Variants in ST8SIA1 observed in about 807,000 individuals in gnomAD.
The protein encoded by ST8SIA1 is ST8 alpha-N-acetyl-neuraminide alpha-2,8-sialyltransferase 1.
ST8SIA1 carries 16 observed loss-of-function variants against 35.9 expected under a neutral mutation model. The observed-to-expected ratio is 0.45, with a 90% CI of 0.30 to 0.68. The LOEUF (loss-of-function observed/expected upper bound fraction) is 0.68. ST8SIA1 is among the 30% of genes least tolerant of loss of function. The pLI is 0.09. For synonymous variants in ST8SIA1, 170 were observed against 169.6 expected (o/e 1.00, Z -0.02); for missense variants, 383 against 453.6 (o/e 0.84, Z 1.41).
Position 22,204,947 on chromosome 12 carries a change from C to T in ST8SIA1, c.585-2909G>A, listed in dbSNP as rs369894628. On this transcript the variant is annotated intron_variant, in intron 4 of 4. Coordinates refer to ENST00000396037, the MANE Select transcript of ST8SIA1 (RefSeq NM_003034.4). Reference sequence around the variant, plus strand: ...GTGGTGCTCCAGTTTGTCTCTCCAGCCTCATACTCAGCTACTCCTCATGTC... The same window carrying T: ...GTGGTGCTCCAGTTTGTCTCTCCAGTCTCATACTCAGCTACTCCTCATGTC... Among the ~76,000 whole-genome samples the T allele has an allele frequency of 6.6e-5, 10 of 152,232 alleles. No homozygotes were observed. In the East Asian group the frequency reaches 1.4e-3, roughly 21 times the overall value.
rs148049634 is a variant in ST8SIA1 at position 22,281,697 on chromosome 12, T to G, written c.381+5452A>C. 4.5e-3 allele frequency among the ~76,000 whole-genome samples: 678 copies of G among 152,098 alleles called. 6 individuals carry two copies. Among genetic ancestry groups the G allele is most frequent in the African/African-American group, 0.016 (656 of 41,508 alleles). ...CTCCCAAAAAGCTGCAAAAGAAATT[T>G]CTTGGCCAGGTGTAGTGGTTCATGC... On this transcript the variant is annotated intron_variant, in intron 2 of 4. Coordinates refer to ENST00000396037, the MANE Select transcript of ST8SIA1 (RefSeq NM_003034.4).
chr12:22,311,154 G>A (rs1237680898), intron 1 of ST8SIA1, among the ~76,000 whole-genome samples: 2 of 152,188 alleles, frequency 1.3e-5, no homozygotes, highest in Non-Finnish European at 2.9e-5. Context: ...TGCACTGAGT[G>A]TGTGTCAAAG....
intron 4 of ST8SIA1, among the ~76,000 whole-genome samples, chr12:22,240,515 G>C (rs1865527743): frequency 6.6e-6 from 1 of 151,810 alleles, no homozygotes; most frequent in African/African-American, 2.4e-5. Context: ...ATGATAAGCT[G>C]CTCTGAGTTT....
At chr12:22,298,382 G>A (rs1866273209) in intron 1 of ST8SIA1, among the ~76,000 whole-genome samples, 1 of 152,076 alleles carries the variant, frequency 6.6e-6, no homozygotes, top group Non-Finnish European at 1.5e-5. Flanking sequence ...TCATCCTGTG[G>A]GATATGACTC....
chr12:22,228,158 A>G (rs750937313), intron 4 of ST8SIA1, among the ~76,000 whole-genome samples: 7 of 152,248 alleles, frequency 4.6e-5, no homozygotes, highest in Admixed American at 1.3e-4. Flanking sequence ...ACTGATTAAG[A>G]GCAGAAAGGG....
In ST8SIA1 at chr12:22,308,679, T is replaced by C. The variant is rs961437537; in HGVS notation, c.237-21386A>G. 2.6e-5 allele frequency among the ~76,000 whole-genome samples: 4 copies of C among 151,944 alleles called. No individual in the cohort carries two copies. The South Asian group carries it at 8.3e-4, about 32-fold the overall frequency. ...CATTACCTCTACTGAAACTGCCCTCTTAAAGGTCTTTAAAGATATCTGAAT... is the reference window on the plus strand; with the variant it reads ...CATTACCTCTACTGAAACTGCCCTCCTAAAGGTCTTTAAAGATATCTGAAT... On this transcript the variant is annotated intron_variant, in intron 1 of 4. Coordinates refer to ENST00000396037, the MANE Select transcript of ST8SIA1 (RefSeq NM_003034.4).
At chr12:22,285,884 A>AACAAAAAAAACAAAAAAAAC (rs1231922607) in intron 2 of ST8SIA1, among the ~76,000 whole-genome samples, 49 of 150,838 alleles carry the variant, frequency 3.2e-4, no homozygotes, top group Admixed American at 7.9e-4. Context: ...AAACAAAAAA[A>AACAAAAAAAACAAAAAAAAC]AAAAAAAAAA....
At position 22,334,174 on chromosome 12, in the gene ST8SIA1, G is replaced by T. The variant is rs758633118; in HGVS notation, c.59C>A (p.Ala20Glu). The T allele has an allele frequency of 1.2e-6, 2 of 1,614,026 alleles. No individual in the cohort carries two copies. The highest frequency in any genetic ancestry group is 1.7e-6 in the Non-Finnish European group (2 of 1,180,004). ...QTSRGAMAVLAWKFPRTRLPM... is the reference protein window; with the variant it reads ...QTSRGAMAVLEWKFPRTRLPM... ...CAGCCGGGTCCGCGGGAACTTCCAC[G>T]CCAGTACAGCCATGGCCCCTCTGGA... Residue 20 changes from alanine (A) to glutamate (E), a missense_variant, in exon 1 of 5, where the codon GCG becomes GAG. By Grantham distance (107) the Ala-to-Glu change is moderately radical (BLOSUM62 -1). Transcript: ENST00000396037.
intron 2 of ST8SIA1, among the ~76,000 whole-genome samples, chr12:22,273,812 T>C (rs1202189775): frequency 6.6e-6 from 1 of 152,204 alleles, no homozygotes; most frequent in Non-Finnish European, 1.5e-5. Context: ...TCAAGCACTA[T>C]GCTACAAACT....
At chr12:22,271,649 A>G (rs1184178964) in intron 2 of ST8SIA1, among the ~76,000 whole-genome samples, 1 of 152,252 alleles carries the variant, frequency 6.6e-6, no homozygotes, top group African/African-American at 2.4e-5. Context: ...CTTAGAAATC[A>G]TTCAGTCAAT....
At chr12:22,203,395 A>C (rs1865071463) in intron 4 of ST8SIA1, among the ~76,000 whole-genome samples, 1 of 152,192 alleles carries the variant, frequency 6.6e-6, no homozygotes, top group Non-Finnish European at 1.5e-5. Context: ...CAGGCTCATC[A>C]TAATTATGTG....
chr12:22,304,173 A>G lies in ST8SIA1; in HGVS notation c.237-16880T>C, dbSNP rs575511711. ...AATTTGTTCCAGCTGAACTACGGTC[A>G]TAAGATTTAAAAAGATTTTTTTTAA... On this transcript the variant is annotated intron_variant, in intron 1 of 4. Coordinates refer to ENST00000396037, the MANE Select transcript of ST8SIA1 (RefSeq NM_003034.4). Among the ~76,000 whole-genome samples the G allele has an allele frequency of 7.9e-5, 12 of 152,264 alleles. No individual in the cohort carries two copies. The South Asian group carries it at 2.3e-3, about 29-fold the overall frequency.
chr12:22,279,749 C>T (rs946677505), intron 2 of ST8SIA1, among the ~76,000 whole-genome samples: 2 of 152,180 alleles, frequency 1.3e-5, no homozygotes, highest in African/African-American at 4.8e-5. Flanking sequence ...TTCCTTTTAG[C>T]CCCCAAAGCT....
intron 4 of ST8SIA1, among the ~76,000 whole-genome samples, chr12:22,215,195 G>T (rs541544499): frequency 6.6e-6 from 1 of 152,128 alleles, no homozygotes; most frequent in African/African-American, 2.4e-5. Context: ...GCTCAAAAGT[G>T]CATCTTTCTC....
chr12:22,240,669 T>C (rs1865530053), intron 4 of ST8SIA1, among the ~76,000 whole-genome samples: 1 of 152,168 alleles, frequency 6.6e-6, no homozygotes, highest in Non-Finnish European at 1.5e-5. Context: ...CCCAAGTTAT[T>C]TTCCTCAAAG....
chr12:22,237,241 G>A (rs1865485329), intron 4 of ST8SIA1, among the ~76,000 whole-genome samples: 1 of 152,040 alleles, frequency 6.6e-6, no homozygotes, highest in East Asian at 1.9e-4. Flanking sequence ...TAGCACTATA[G>A]ACGCCATGTC....
At chr12:22,329,488 TG>T (rs1419175732) in intron 1 of ST8SIA1, among the ~76,000 whole-genome samples, 1 of 152,226 alleles carries the variant, frequency 6.6e-6, no homozygotes. Context: ...GCAACATAAC[TG>T]TAGCATATTT....
intron 4 of ST8SIA1, among the ~76,000 whole-genome samples, chr12:22,245,950 T>C (rs945850753): frequency 6.6e-6 from 1 of 152,214 alleles, no homozygotes; most frequent in African/African-American, 2.4e-5. Flanking sequence ...AGGGAGGGCA[T>C]GGAAGCTCCA....
At chr12:22,287,003 G>C in intron 2 of ST8SIA1, 146 bp downstream of exon 2, 1 of 706,648 alleles carries the variant, frequency 1.4e-6, no homozygotes, top group Non-Finnish European at 2.3e-6. Context: ...CACACACACA[G>C]ATGACAGATA....
Sources: allele counts gnomAD v4.1 joint callset (sites outside exome capture counted in the v4.1 genomes callset), GRCh38; gene constraint gnomAD v4.1.1; transcripts MANE v1.5; gene names NCBI Gene and HGNC (gene_info 2026-07-23, HGNC 2026-07-21).